CHD4: variants seen among roughly 807,000 people sequenced by gnomAD.
The protein encoded by CHD4 is chromodomain helicase DNA binding protein 4, also known as ATP-dependent chromatin remodeler CHD4.
Under a neutral mutation model 235.5 loss-of-function variants are expected in CHD4, and 35 were observed. The observed-to-expected ratio is 0.15, with a 90% CI of 0.11 to 0.20. CHD4 has a LOEUF of 0.20. Among genes scored for constraint, CHD4 ranks in the 10% least tolerant of loss-of-function variants. The pLI, the probability that CHD4 is intolerant of heterozygous loss-of-function variation, is 1.00. For missense variants in CHD4, 1,329 were observed against 2,432.3 expected (o/e 0.55, Z 9.54); for synonymous variants, 900 against 850.2 (o/e 1.06, Z -1.02).
At chr12:6,570,835 G>A (rs1947952672) in intron 39 of CHD4, 34 bp downstream of exon 39, 3 of 1,613,520 alleles carry the variant, frequency 1.9e-6, no homozygotes, top group African/African-American at 1.3e-5. Context: ...TGGTTCTGCA[G>A]GAAGAGGTGG....
chr12:6,598,658 A>C (rs1205731630), intron 10 of CHD4, among the ~76,000 whole-genome samples: 1 of 152,088 alleles, frequency 6.6e-6, no homozygotes, highest in Non-Finnish European at 1.5e-5. Context: ...AAAATACAAA[A>C]ATTAGCTGGG....
Position 6,578,127 on chromosome 12 carries a change from G to T in CHD4, c.5130C>A (p.Ser1710=). ...IADGGFTELH[S]LWQNEERAAT... Reference sequence around the variant, plus strand: ...CTGCCCGCTCTTCATTCTGCCAAAGGGAGTGCAACTCTGAGGAGGAATTTA... The same window carrying T: ...CTGCCCGCTCTTCATTCTGCCAAAGTGAGTGCAACTCTGAGGAGGAATTTA... The change falls in exon 36 of 40, where the codon TCC becomes TCA. Residue 1710 remains serine (S), a synonymous_variant. Transcript: ENST00000544040. 1 of 1,612,524 alleles carries T rather than the reference G, an allele frequency of 6.2e-7. No homozygotes were observed.
At position 6,597,963 on chromosome 12, in the gene CHD4, A is replaced by G; in HGVS notation, c.1823T>C (p.Met608Thr). The G allele has an allele frequency of 6.2e-7, 1 of 1,614,132 alleles. No individual in the cohort carries two copies. Among genetic ancestry groups the G allele is most frequent in the Non-Finnish European group, 8.5e-7 (1 of 1,180,022 alleles). The change falls in exon 12 of 40, where the codon ATG (methionine) becomes ACG (threonine). Residue 608 changes from methionine to threonine, a missense_variant. Physicochemically the swap from Met to Thr is moderately conservative, Grantham distance 81. Around this residue, in one of 26 missense-constraint regions of CHD4, gnomAD observed 121 missense variants for 177.8 expected, o/e 0.68. Transcript: ENST00000544040. ...CCCATAGCGATAGAAGCGTTCCTCC[A>G]TCTCTGCAAATTTAGGGTCCTTGTT... ...RKNKDPKFAE[M>T]EERFYRYGIK...
chr12:6,571,934 C>T (rs567253385), intron 38 of CHD4: 1 of 152,456 alleles, frequency 6.6e-6, no homozygotes, highest in African/African-American at 2.4e-5. Flanking sequence ...GCTCTCCAGC[C>T]TGGGCAACAA....
Position 6,606,290 on chromosome 12 carries a change from C to T in CHD4, c.84G>A (p.Leu28=), listed in dbSNP as rs370679311. ...EDMDALLNNS[L]PPPHPENEED... Reference sequence around the variant, plus strand: ...AGATGTTACCTGGGTGGGGTGGGGGCAGGCTGTTGTTCAAAAGTGCATCCA... The same window carrying T: ...AGATGTTACCTGGGTGGGGTGGGGGTAGGCTGTTGTTCAAAAGTGCATCCA... Residue 28 remains leucine, a synonymous_variant, in exon 2 of 40, where the codon CTG becomes CTA. Coordinates refer to ENST00000544040, the MANE Select transcript of CHD4 (RefSeq NM_001273.5). 1.3e-6 allele frequency: 2 copies of T among 1,584,274 alleles called. No homozygotes were observed. The highest frequency in any genetic ancestry group is 3.6e-5 in the Admixed American group (2 of 56,190).
chr12:6,593,328 T>G lies in CHD4; in HGVS notation c.2514+88A>C. On this transcript the variant is annotated intron_variant, in intron 16 of 39. Coordinates refer to ENST00000544040, the MANE Select transcript of CHD4 (RefSeq NM_001273.5). The surrounding 1 kb of genome is among the most constrained non-coding windows in gnomAD (Gnocchi z 4.9). Reference sequence around the variant, plus strand: ...TTTCCTCCTCCCAGGGTTACCCTTTTGCCTCACCAGGGACCAGATCACAAG... The same window carrying G: ...TTTCCTCCTCCCAGGGTTACCCTTTGGCCTCACCAGGGACCAGATCACAAG... 1 of 1,598,956 alleles carries G rather than the reference T, an allele frequency of 6.3e-7. No individual in the cohort carries two copies. Among genetic ancestry groups the G allele is most frequent in the African/African-American group, 1.3e-5 (1 of 74,738 alleles).
chr12:6,582,191 C>T lies in CHD4; in HGVS notation c.4461G>A (p.Leu1487=). ...TFADGVPREG[L]SRQHVLTRIG... ...TTCTAGTAAGGACATGCTGGCGAGA[C>T]AGGCCTTCTCGGGGGACACCATCAG... The change falls in exon 30 of 40, where the codon CTG becomes CTA. Residue 1487 remains leucine, a synonymous_variant. Coordinates refer to ENST00000544040, the MANE Select transcript of CHD4 (RefSeq NM_001273.5). 1 of 1,602,708 alleles carries T rather than the reference C, an allele frequency of 6.2e-7. No individual in the cohort carries two copies. The highest frequency in any genetic ancestry group is 8.5e-7 in the Non-Finnish European group (1 of 1,175,606).
At chr12:6,574,710 A>T (rs1362815800) in intron 37 of CHD4, among the ~76,000 whole-genome samples, 1 of 152,214 alleles carries the variant, frequency 6.6e-6, no homozygotes, top group African/African-American at 2.4e-5. Context: ...AAATACCAAA[A>T]GACTTGTCTA....
intron 15 of CHD4, 91 bp downstream of exon 15, chr12:6,594,368 T>C: frequency 7.8e-7 from 1 of 1,275,852 alleles, no homozygotes; most frequent in Non-Finnish European, 1.1e-6. Context: ...GAGACCAATT[T>C]TTTTATTCCC....
At chr12:6,586,587 T>C (rs1407098155) in intron 25 of CHD4, among the ~76,000 whole-genome samples, 3 of 152,086 alleles carry the variant, frequency 2.0e-5, no homozygotes, top group Admixed American at 2.0e-4. Context: ...CCAGGTGTGG[T>C]AGCACACATC....
At chr12:6,607,213 C>T (rs1357082458) in intron 1 of CHD4, 87 bp downstream of exon 1, 1 of 152,092 alleles carries the variant, frequency 6.6e-6, no homozygotes, top group Non-Finnish European at 1.5e-5. Context: ...TCCGGAGACG[C>T]CTGAGGAAGG....
Position 6,582,933 on chromosome 12 carries a change from G to T in CHD4, c.4151C>A (p.Pro1384His). ...CAGGCCCTTACGACTGGGCCTACGG[G>T]GAGCTGCAAGAAGAAAAAGATGAAT... ...DEDFDERSEA[P>H]RRPSRKGLRN... Residue 1384 changes from proline to histidine, a missense_variant, in exon 28 of 40, where the codon CCC (proline) becomes CAC (histidine). Pro to His is a moderately conservative substitution (Grantham distance 77, BLOSUM62 -2). This residue lies in a region of CHD4 where 46 missense variants were observed against 85.6 expected (regional missense o/e 0.54). Transcript: ENST00000544040. 1 of 1,613,014 alleles carries T rather than the reference G, an allele frequency of 6.2e-7. No individual in the cohort carries two copies. Among genetic ancestry groups the T allele is most frequent in the Non-Finnish European group, 8.5e-7 (1 of 1,179,634 alleles).
chr12:6,576,795 T>C (rs917652661), intron 37 of CHD4, among the ~76,000 whole-genome samples: 1 of 152,228 alleles, frequency 6.6e-6, no homozygotes, highest in Non-Finnish European at 1.5e-5. Flanking sequence ...GTGCTCCTAC[T>C]TGAAACTGAA....
Position 6,593,522 on chromosome 12 carries a change from A to G in CHD4, c.2408T>C (p.Val803Ala). Residue 803 changes from valine (V) to alanine (A), a missense_variant, in exon 16 of 40, where the codon GTC becomes GCC. Physicochemically the swap from Val to Ala is moderately conservative, Grantham distance 64 (BLOSUM62 0). Transcript: ENST00000544040. This position sits in a 1 kb window ranked among gnomAD's most constrained non-coding sequence, Gnocchi z 4.9. ...EFEMWAPDMYVVTYVGDKDSR... is the reference protein window; with the variant it reads ...EFEMWAPDMYAVTYVGDKDSR... ...GTCCTTGTCACCCACATAGGTTACGACATACATGTCTGGAGCCCACATTTC... is the reference window on the plus strand; with the variant it reads ...GTCCTTGTCACCCACATAGGTTACGGCATACATGTCTGGAGCCCACATTTC... The G allele has an allele frequency of 6.2e-7, 1 of 1,614,142 alleles. No individual in the cohort carries two copies. Among genetic ancestry groups the G allele is most frequent in the South Asian group, 1.1e-5 (1 of 91,074 alleles).
chr12:6,596,224 A>C (rs1443163756), intron 12 of CHD4, 87 bp from the exon 13 acceptor site: 1 of 1,533,584 alleles, frequency 6.5e-7, no homozygotes, highest in Admixed American at 1.8e-5. Flanking sequence ...CGTTTGTTTC[A>C]CACCAGACCT....
intron 22 of CHD4, among the ~76,000 whole-genome samples, chr12:6,589,065 T>G (rs1487251167): frequency 5.3e-5 from 8 of 151,870 alleles, no homozygotes; most frequent in Admixed American, 2.0e-4. Flanking sequence ...CTGGCCAACG[T>G]GGTGAAACCC....
chr12:6,575,449 C>CAAAAA (rs201602922), intron 37 of CHD4, among the ~76,000 whole-genome samples: 2 of 58,520 alleles, frequency 3.4e-5, no homozygotes, highest in African/African-American at 1.0e-4. Context: ...GACTTTGTCT[C>CAAAAA]AAAAAAAAAA....
At chr12:6,585,409 G>C (rs755630059) in intron 25 of CHD4, among the ~76,000 whole-genome samples, 4 of 151,378 alleles carry the variant, frequency 2.6e-5, no homozygotes, top group Middle Eastern at 3.4e-3. Flanking sequence ...TCAGCCTCCC[G>C]AATAGCTGGG....
At chr12:6,577,944 A>T in intron 36 of CHD4, 27 bp from the exon 37 acceptor site, 1 of 1,613,270 alleles carries the variant, frequency 6.2e-7, no homozygotes, top group African/African-American at 1.3e-5. Flanking sequence ...CAGGAAAAAC[A>T]AAACAAGGAA....
Sources: gnomAD v4.1 joint callset for allele counts (sites outside exome capture counted in the v4.1 genomes callset) on GRCh38, gnomAD v4.1.1 for gene constraint, gnomAD v4.1.1 regional missense constraint, Gnocchi (gnomAD v3.1) non-coding constraint, MANE v1.5 for transcripts, NCBI Gene and HGNC (gene_info 2026-07-23, HGNC 2026-07-21) for gene names.